DOCK4: variants seen among roughly 807,000 people sequenced by gnomAD.
The protein encoded by DOCK4 is dedicator of cytokinesis 4.
In DOCK4, 97 loss-of-function variants were observed where a neutral mutation model predicts 268.1. The observed-to-expected ratio is 0.36, with a 90% CI of 0.31 to 0.43. DOCK4 has a LOEUF of 0.43. DOCK4 is among the 20% of genes least tolerant of loss of function. The probability of loss-of-function intolerance (pLI) is 1.00; values close to 1 mark genes in which losing one functional copy is unlikely to be tolerated. For missense variants in DOCK4, 2,145 were observed against 2,455.7 expected (o/e 0.87, Z 2.67); for synonymous variants, 954 against 887.2 (o/e 1.08, Z -1.34).
intron 23 of DOCK4, among the ~76,000 whole-genome samples, chr7:111,852,924 G>C (rs974212608): frequency 6.6e-6 from 1 of 152,174 alleles, no homozygotes; most frequent in Non-Finnish European, 1.5e-5. Flanking sequence ...AACTTTCCAT[G>C]CATTTAACAA....
intron 13 of DOCK4, among the ~76,000 whole-genome samples, chr7:111,912,952 G>A (rs562266996): frequency 2.4e-4 from 36 of 151,022 alleles, no homozygotes; most frequent in Middle Eastern, 3.5e-3. Context: ...AAATTTTTTA[G>A]AGCATAGAAA....
In DOCK4 at chr7:111,915,368, A is replaced by G. The variant is rs1041322567; in HGVS notation, c.1192+411T>C. ...ATTTACATATGGCTAACTAGTGTTCAGTACGTTTTTATCAAAACTTAGGAT... is the reference window on the plus strand; with the variant it reads ...ATTTACATATGGCTAACTAGTGTTCGGTACGTTTTTATCAAAACTTAGGAT... On this transcript the variant is annotated intron_variant, in intron 13 of 52. Coordinates refer to ENST00000428084, the MANE Select transcript of DOCK4 (RefSeq NM_001363540.2). 3.9e-5 allele frequency among the ~76,000 whole-genome samples: 6 copies of G among 152,326 alleles called. No individual in the cohort carries two copies. The East Asian group carries it at 1.2e-3, about 29-fold the overall frequency.
intron 40 of DOCK4, among the ~76,000 whole-genome samples, 171 bp from the exon 41 acceptor site, chr7:111,758,961 T>C (rs145283173): frequency 1.0e-3 from 153 of 152,262 alleles, no homozygotes; most frequent in Non-Finnish European, 1.2e-3. Flanking sequence ...TTCTAGCAAA[T>C]CACTTCTCAA....
At position 111,788,399 on chromosome 7, in the gene DOCK4, G is replaced by A. The variant is rs572885442; in HGVS notation, c.3401+263C>T. The A allele has an allele frequency of 4.3e-4, 182 of 420,384 alleles. 1 individual carries two copies. The highest frequency in any genetic ancestry group is 3.4e-3 in the African/African-American group (175 of 51,052). 26.0% of individuals were successfully genotyped at this position (420,384 alleles called of 1,614,324 possible). On this transcript the variant is annotated intron_variant, in intron 32 of 52. Coordinates refer to ENST00000428084, the MANE Select transcript of DOCK4 (RefSeq NM_001363540.2). The stretch of plus-strand genomic sequence containing the variant: ...GAATGGTTTTAAAATTATCAGGCAT[G>A]AAAAGAGGGAGATTTGTTATGTAAC...
In DOCK4 at chr7:111,881,500, T is replaced by C. The variant is rs907368697; in HGVS notation, c.1588-4314A>G. Among the ~76,000 whole-genome samples, 4 of 152,248 alleles carry C rather than the reference T, an allele frequency of 2.6e-5. No individual in the cohort carries two copies. In the East Asian group the frequency reaches 5.8e-4, roughly 22 times the overall value. ...GGAATGTCAATTAGTATAACCACTA[T>C]GGAGAAGAGTTTGGAGGTTCCTCAA... On this transcript the variant is annotated intron_variant, in intron 16 of 52. Coordinates refer to ENST00000428084, the MANE Select transcript of DOCK4 (RefSeq NM_001363540.2).
chr7:112,075,189 T>G (rs1563060213), intron 1 of DOCK4, among the ~76,000 whole-genome samples: 1 of 152,200 alleles, frequency 6.6e-6, no homozygotes, highest in Admixed American at 6.5e-5. Context: ...GACCTAATAG[T>G]TGAGCCAGGC....
rs749874948 is a variant in DOCK4 at position 112,000,477 on chromosome 7, G to A, written c.162+17C>T. 8 of 1,396,294 alleles carry A rather than the reference G, an allele frequency of 5.7e-6. No homozygotes were observed. The highest frequency in any genetic ancestry group is 6.9e-6 in the Non-Finnish European group (7 of 1,015,326). 86.5% of individuals were successfully genotyped at this position (1,396,294 alleles called of 1,614,324 possible). A position where few individuals can be genotyped will look rare whatever the true frequency, so the allele number is the denominator to read the frequency against. ...TTAATAAATTTCATAATTATAGTTA[G>A]AAATAACAATTTTTACCTTGATATT... On this transcript the variant is annotated intron_variant, in intron 3 of 52. Coordinates refer to ENST00000428084, the MANE Select transcript of DOCK4 (RefSeq NM_001363540.2).
chr7:112,123,630 G>A (rs766396980), intron 1 of DOCK4, among the ~76,000 whole-genome samples: 2 of 152,134 alleles, frequency 1.3e-5, no homozygotes, highest in Non-Finnish European at 2.9e-5. Flanking sequence ...TTCTAAATGA[G>A]TCTATCCAAT....
chr7:112,123,843 T>C (rs1270273765), intron 1 of DOCK4, among the ~76,000 whole-genome samples: 1 of 152,100 alleles, frequency 6.6e-6, no homozygotes, highest in Non-Finnish European at 1.5e-5. Context: ...CTAAAGAATA[T>C]ATCCTAAATC....
At chr7:111,766,041 C>T (rs1009246632) in intron 38 of DOCK4, among the ~76,000 whole-genome samples, 2 of 152,198 alleles carry the variant, frequency 1.3e-5, no homozygotes, top group African/African-American at 4.8e-5. Flanking sequence ...ATCATCACCT[C>T]GCTTCTGTTA....
chr7:112,116,374 AT>A (rs1812174211), intron 1 of DOCK4, among the ~76,000 whole-genome samples: 1 of 152,130 alleles, frequency 6.6e-6, no homozygotes, highest in South Asian at 2.1e-4. Flanking sequence ...ATAATATTCT[AT>A]TGTATAGAAA....
rs1464595678 is a variant in DOCK4 at position 111,726,547 on chromosome 7, C to T, written c.*1727G>A. On this transcript the variant is annotated 3_prime_UTR_variant, in exon 53 of 53. Transcript: ENST00000428084. Reference sequence around the variant, plus strand: ...AAAAAATTTCTGACTGCAAAACTTGCAAGATACAAAGCTAAAATGCATATG... The same window carrying T: ...AAAAAATTTCTGACTGCAAAACTTGTAAGATACAAAGCTAAAATGCATATG... 6.6e-6 allele frequency: 1 copy of T among 152,488 alleles called. No homozygotes were observed. Among genetic ancestry groups the T allele is most frequent in the Non-Finnish European group, 1.5e-5 (1 of 68,022 alleles). 9.4% of individuals were successfully genotyped at this position (152,488 alleles called of 1,614,324 possible). A position where few individuals can be genotyped will look rare whatever the true frequency, so the allele number is the denominator to read the frequency against.
intron 42 of DOCK4, among the ~76,000 whole-genome samples, chr7:111,752,578 GTTTT>G (rs56037303): frequency 0.22 from 17,719 of 80,896 alleles, 647 homozygotes; most frequent in South Asian, 0.35. Context: ...ATCAGCTTAG[GTTTT>G]TTTTTTTTTT....
intron 1 of DOCK4, among the ~76,000 whole-genome samples, chr7:112,100,558 G>T (rs1391954329): frequency 6.6e-6 from 1 of 152,296 alleles, no homozygotes; most frequent in Non-Finnish European, 1.5e-5. Context: ...CCACATCTAC[G>T]AGAAAGCTTT....
chr7:112,105,776 C>T (rs577128675), intron 1 of DOCK4, among the ~76,000 whole-genome samples: 1 of 151,394 alleles, frequency 6.6e-6, no homozygotes, highest in Non-Finnish European at 1.5e-5. Flanking sequence ...GCAGCCTTGA[C>T]CTCCTGGGCT....
chr7:112,143,960 GT>G (rs1815180200), intron 1 of DOCK4, among the ~76,000 whole-genome samples: 1 of 152,156 alleles, frequency 6.6e-6, no homozygotes, highest in Non-Finnish European at 1.5e-5. Flanking sequence ...AAGGCATTAT[GT>G]CAATCCATCA....
At chr7:111,984,466 A>AAAAAACAATTGGTTTTT in intron 6 of DOCK4, 76 bp from the exon 7 acceptor site, 2 of 1,305,364 alleles carry the variant, frequency 1.5e-6, no homozygotes. Flanking sequence ...GTTTTTTACT[A>AAAAAACAATTGGTTTTT]TATCACTTGG....
chr7:111,946,537 A>G (rs1337385467), intron 8 of DOCK4, among the ~76,000 whole-genome samples: 1 of 152,248 alleles, frequency 6.6e-6, no homozygotes, highest in Non-Finnish European at 1.5e-5. Context: ...GCTGTTGATC[A>G]GCCACTAATT....
intron 1 of DOCK4, among the ~76,000 whole-genome samples, chr7:112,152,433 T>C (rs779032579): frequency 3.9e-5 from 6 of 152,276 alleles, no homozygotes; most frequent in Non-Finnish European, 8.8e-5. Flanking sequence ...TACAGCTCTG[T>C]GGTGTGATGG....
Sources: gnomAD v4.1 joint callset for allele counts (sites outside exome capture counted in the v4.1 genomes callset) on GRCh38, gnomAD v4.1.1 for gene constraint, MANE v1.5 for transcripts, NCBI Gene and HGNC (gene_info 2026-07-23, HGNC 2026-07-21) for gene names.